CDH18: variants seen among roughly 807,000 people sequenced by gnomAD.
The protein encoded by CDH18 is cadherin-18.
A neutral mutation model predicts 67.9 loss-of-function variants in CDH18; 31 were observed. The ratio of observed to expected loss-of-function variants is 0.46; its 90% CI spans 0.34 to 0.62. The LOEUF is 0.62. Among genes scored for constraint, CDH18 ranks in the 20% least tolerant of loss-of-function variants. The pLI is 0.01. For missense variants in CDH18, 890 were observed against 975.5 expected (o/e 0.91, Z 1.17); for synonymous variants, 362 against 347.2 (o/e 1.04, Z -0.48).
intron 1 of CDH18, among the ~76,000 whole-genome samples, chr5:20,347,557 G>A (rs1205548847): frequency 2.0e-5 from 3 of 152,218 alleles, no homozygotes; most frequent in Admixed American, 6.5e-5. Context: ...CAGCTAAAGG[G>A]AAGAAATGTG....
chr5:20,284,344 GTAACCCA>G (rs1411240860), intron 1 of CDH18, among the ~76,000 whole-genome samples: 1 of 151,756 alleles, frequency 6.6e-6, no homozygotes, highest in African/African-American at 2.4e-5. Flanking sequence ...AATATCTCGT[GTAACCCA>G]TAAATATACG....
intron 2 of CDH18, among the ~76,000 whole-genome samples, chr5:19,967,265 T>G (rs1265159608): frequency 1.3e-5 from 2 of 151,978 alleles, no homozygotes; most frequent in East Asian, 3.9e-4. Flanking sequence ...AGAAACAGAT[T>G]AGAGGAGAAA....
intron 3 of CDH18, among the ~76,000 whole-genome samples, chr5:19,752,789 C>A (rs569301815): frequency 6.6e-6 from 1 of 152,300 alleles, no homozygotes; most frequent in East Asian, 1.9e-4. Context: ...CACCTTCCTG[C>A]CACCTCCACC....
chr5:20,475,482 T>A (rs910932521), intron 1 of CDH18, among the ~76,000 whole-genome samples: 41 of 152,206 alleles, frequency 2.7e-4, no homozygotes, highest in Admixed American at 8.5e-4. Flanking sequence ...TATAAGATCA[T>A]GAATATTCAT....
At chr5:19,845,288 T>C (rs1435652770) in intron 2 of CDH18, among the ~76,000 whole-genome samples, 1 of 152,166 alleles carries the variant, frequency 6.6e-6, no homozygotes, top group Non-Finnish European at 1.5e-5. Flanking sequence ...TGTTCAAGAA[T>C]GTGCAGTTTA....
At chr5:19,520,880 T>G in intron 9 of CDH18, 102 bp from the exon 10 acceptor site, 1 of 1,269,504 alleles carries the variant, frequency 7.9e-7, no homozygotes. Context: ...TGGTTCCATA[T>G]GCCATAGCTG....
At chr5:19,971,165 A>C (rs2150336204) in intron 2 of CDH18, among the ~76,000 whole-genome samples, 1 of 152,132 alleles carries the variant, frequency 6.6e-6, no homozygotes, top group South Asian at 2.1e-4. Flanking sequence ...CTACCAGACA[A>C]AAATAAAGTA....
At chr5:19,779,447 T>C (rs1774830418) in intron 3 of CDH18, among the ~76,000 whole-genome samples, 1 of 152,162 alleles carries the variant, frequency 6.6e-6, no homozygotes, top group African/African-American at 2.4e-5. Context: ...CGAAGCTGAA[T>C]TCTTTCTCTC....
intron 10 of CDH18, among the ~76,000 whole-genome samples, chr5:19,509,388 C>T (rs540201017): frequency 6.6e-6 from 1 of 152,184 alleles, no homozygotes; most frequent in Admixed American, 6.5e-5. Context: ...CAATCCCCAC[C>T]AGTATACAAC....
chr5:19,979,842 A>G (rs1798859844), intron 2 of CDH18, among the ~76,000 whole-genome samples: 2 of 152,180 alleles, frequency 1.3e-5, no homozygotes, highest in Admixed American at 1.3e-4. Flanking sequence ...ACAAACCCAC[A>G]GCTAACATAA....
intron 1 of CDH18, among the ~76,000 whole-genome samples, chr5:20,361,475 AC>A (rs1226110192): frequency 6.6e-6 from 1 of 152,094 alleles, no homozygotes; most frequent in Non-Finnish European, 1.5e-5. Flanking sequence ...CTAATTATTC[AC>A]AGGTTTTCTT....
intron 2 of CDH18, among the ~76,000 whole-genome samples, chr5:19,998,701 C>A (rs1258557623): frequency 6.6e-6 from 1 of 151,764 alleles, no homozygotes; most frequent in Non-Finnish European, 1.5e-5. Context: ...GGGGAGAATC[C>A]TTTCAAGTGG....
chr5:19,473,316 G>C lies in CDH18; in HGVS notation c.2283C>G (p.Asp761Glu), dbSNP rs762154267. The C allele has an allele frequency of 9.3e-6, 15 of 1,613,706 alleles. No homozygotes were observed. Among genetic ancestry groups the C allele is most frequent in the Middle Eastern group, 3.3e-4 (2 of 6,084 alleles). The change falls in exon 13 of 13, where the codon GAC becomes GAG. Residue 761 changes from aspartate to glutamate, a missense_variant. Asp to Glu is a conservative substitution (Grantham distance 45, BLOSUM62 2). This residue lies in a region of CDH18 where 656 missense variants were observed against 668.1 expected (regional missense o/e 0.98). Coordinates refer to ENST00000382275, the MANE Select transcript of CDH18 (RefSeq NM_004934.5). ...AGTCTCCAAGGTAGTGATAATCCTG[G>C]TCTGATTGTGTCGTTGCTGAATCCA... ...SSLDSATTQS[D>E]QDYHYLGDWG...
intron 1 of CDH18, among the ~76,000 whole-genome samples, chr5:20,552,946 G>A (rs1032461790): frequency 6.6e-6 from 1 of 151,086 alleles, no homozygotes; most frequent in African/African-American, 2.5e-5. Flanking sequence ...GTAGAGACAG[G>A]GTTTCACCAT....
At chr5:19,813,869 C>A (rs762864107) in intron 3 of CDH18, among the ~76,000 whole-genome samples, 3 of 151,842 alleles carry the variant, frequency 2.0e-5, no homozygotes, top group Non-Finnish European at 4.4e-5. Context: ...GTGGAAAAAT[C>A]TATGATTTTT....
intron 1 of CDH18, among the ~76,000 whole-genome samples, chr5:20,454,614 C>T (rs1311539056): frequency 6.6e-6 from 1 of 152,072 alleles, no homozygotes; most frequent in East Asian, 1.9e-4. Flanking sequence ...CTTTATCCTA[C>T]TTTATCTTAT....
chr5:20,439,737 A>G (rs761905776), intron 1 of CDH18, among the ~76,000 whole-genome samples: 3 of 151,794 alleles, frequency 2.0e-5, no homozygotes, highest in Non-Finnish European at 4.4e-5. Context: ...TTTTAACAAT[A>G]TAATTTTTAA....
intron 2 of CDH18, among the ~76,000 whole-genome samples, chr5:20,134,555 A>T (rs1749541167): frequency 6.6e-6 from 1 of 152,154 alleles, no homozygotes; most frequent in Non-Finnish European, 1.5e-5. Flanking sequence ...TCTGTAACAC[A>T]TTAAGACCAG....
intron 2 of CDH18, among the ~76,000 whole-genome samples, chr5:20,140,116 C>T (rs2126519952): frequency 6.6e-6 from 1 of 152,236 alleles, no homozygotes; most frequent in South Asian, 2.1e-4. Context: ...GGCACATATA[C>T]ACTATGGATT....
Sources: allele counts gnomAD v4.1 joint callset (sites outside exome capture counted in the v4.1 genomes callset), GRCh38; gene constraint gnomAD v4.1.1; regional missense constraint gnomAD v4.1.1; transcripts MANE v1.5; gene names NCBI Gene and HGNC (gene_info 2026-07-23, HGNC 2026-07-21).